Variants in COMMD10 observed in about 807,000 individuals in gnomAD.
COMMD10 encodes the protein COMM domain-containing protein 10.
In COMMD10, 33 loss-of-function variants were observed where a neutral mutation model predicts 28.9. The observed-to-expected ratio is 1.14, with a 90% CI of 0.87 to 1.53. The LOEUF (loss-of-function observed/expected upper bound fraction) is 1.53. COMMD10 is among the 40% of genes most tolerant of loss of function. The pLI is 0.00. For synonymous variants in COMMD10, 110 were observed against 81.7 expected, an observed-to-expected ratio of 1.35 and a Z score of -1.87; for missense variants, 310 against 233.4, an observed-to-expected ratio of 1.33 and a Z score of -2.14.
intron 5 of COMMD10, among the ~76,000 whole-genome samples, chr5:116,201,816 C>G (rs1238562620): frequency 6.6e-6 from 1 of 152,022 alleles, no homozygotes; most frequent in African/African-American, 2.4e-5. Context: ...AGTTACACAC[C>G]CTGCAAGTGA....
intron 5 of COMMD10, among the ~76,000 whole-genome samples, chr5:116,152,574 CATT>C (rs71963681): frequency 0.31 from 47,593 of 151,846 alleles, 10,309 homozygotes; most frequent in African/African-American, 0.62. Flanking sequence ...ATAGAGTAAT[CATT>C]ATTTTTTGTT....
chr5:116,152,446 A>G (rs1400207307), intron 5 of COMMD10, among the ~76,000 whole-genome samples: 1 of 152,076 alleles, frequency 6.6e-6, no homozygotes, highest in Non-Finnish European at 1.5e-5. Context: ...AATGTAGATA[A>G]AAAATCTGGC....
rs573924281 is a variant in COMMD10, at chr5:116,287,825, C to T, written c.511-3692C>T. ...AAACTGATAACAACCTAACTCTAAT[C>T]ACATATGAAAACTTTCTCCTTTACT... On this transcript the variant is annotated intron_variant, in intron 5 of 6. Coordinates refer to ENST00000274458, the MANE Select transcript of COMMD10 (RefSeq NM_016144.4). Among the ~76,000 whole-genome samples, 3 of 151,862 alleles carry T rather than the reference C, an allele frequency of 2.0e-5. No individual in the cohort carries two copies. The South Asian group carries it at 6.2e-4, about 31-fold the overall frequency.
chr5:116,158,537 C>T (rs114574466), intron 5 of COMMD10, among the ~76,000 whole-genome samples: 1 of 125,822 alleles, frequency 7.9e-6, no homozygotes, highest in African/African-American at 3.4e-5. Flanking sequence ...AGTGCAATGG[C>T]GTGATCATAG....
chr5:116,160,276 A>C (rs1752873143), intron 5 of COMMD10, among the ~76,000 whole-genome samples: 4 of 152,206 alleles, frequency 2.6e-5, no homozygotes, highest in Admixed American at 2.6e-4. Flanking sequence ...TTGAGGACAA[A>C]CTATGAGTTT....
At chr5:116,216,871 A>G (rs1216845927) in intron 5 of COMMD10, among the ~76,000 whole-genome samples, 1 of 152,162 alleles carries the variant, frequency 6.6e-6, no homozygotes, top group South Asian at 2.1e-4. Context: ...TAAATTAATC[A>G]TATCAATTCT....
intron 5 of COMMD10, among the ~76,000 whole-genome samples, chr5:116,164,266 A>C (rs904769301): frequency 6.6e-6 from 1 of 151,940 alleles, no homozygotes. Context: ...GTTTGCAGTG[A>C]GCCGAGATTG....
At chr5:116,284,629 C>G (rs534619068) in intron 5 of COMMD10, among the ~76,000 whole-genome samples, 1 of 151,984 alleles carries the variant, frequency 6.6e-6, no homozygotes, top group East Asian at 1.9e-4. Flanking sequence ...TATACATTGT[C>G]AGATTCAGCC....
intron 5 of COMMD10, among the ~76,000 whole-genome samples, chr5:116,193,012 C>G (rs1268743746): frequency 6.6e-6 from 1 of 152,190 alleles, no homozygotes; most frequent in Admixed American, 6.5e-5. Flanking sequence ...TATCTTCAGC[C>G]TCCTCACACA....
rs73253249 is a variant in COMMD10 at position 116,144,843 on chromosome 5, G to A, written c.510+10665G>A. Among the ~76,000 whole-genome samples, 1,491 of 151,812 alleles carry A rather than the reference G, an allele frequency of 9.8e-3. 25 individuals carry two copies. Among genetic ancestry groups the A allele is most frequent in the African/African-American group, 0.033 (1,384 of 41,458 alleles). On this transcript the variant is annotated intron_variant, in intron 5 of 6. Transcript: ENST00000274458. ...TCGGAAATAGGACAGTTTATGTAGG[G>A]GAATGTGGATTCAGTAAATGGAGAT...
intron 4 of COMMD10, among the ~76,000 whole-genome samples, chr5:116,107,161 T>A (rs1750866808): frequency 6.6e-6 from 1 of 152,104 alleles, no homozygotes; most frequent in Admixed American, 6.6e-5. Flanking sequence ...TGTCTCGGGG[T>A]TGCTCTTCTC....
At chr5:116,122,534 T>A (rs558280297) in intron 4 of COMMD10, among the ~76,000 whole-genome samples, 15 of 152,372 alleles carry the variant, frequency 9.8e-5, no homozygotes, top group Non-Finnish European at 2.1e-4. Context: ...ATTGGTAGTT[T>A]GATGGGGATG....
intron 5 of COMMD10, among the ~76,000 whole-genome samples, chr5:116,230,127 T>G (rs866979896): frequency 5.9e-5 from 9 of 152,052 alleles, no homozygotes; most frequent in Non-Finnish European, 8.8e-5. Flanking sequence ...TTCTGAATTA[T>G]GTTCACTAAA....
chr5:116,285,570 C>T (rs963254798), intron 5 of COMMD10, among the ~76,000 whole-genome samples: 1 of 151,964 alleles, frequency 6.6e-6, no homozygotes, highest in Non-Finnish European at 1.5e-5. Context: ...ATGATTATGA[C>T]AGACATAAGT....
chr5:116,241,595 TTTA>T (rs1749813913), intron 5 of COMMD10, among the ~76,000 whole-genome samples: 2 of 147,806 alleles, frequency 1.4e-5, no homozygotes, highest in African/African-American at 5.0e-5. Context: ...TATTTATTTA[TTTA>T]TTTATTTATT....
At chr5:116,110,619 C>T (rs1290872451) in intron 4 of COMMD10, among the ~76,000 whole-genome samples, 1 of 152,104 alleles carries the variant, frequency 6.6e-6, no homozygotes, top group Non-Finnish European at 1.5e-5. Flanking sequence ...TCTTACATTG[C>T]TACACAGAAA....
intron 5 of COMMD10, among the ~76,000 whole-genome samples, chr5:116,197,986 C>T (rs556893910): frequency 5.3e-5 from 8 of 152,272 alleles, no homozygotes; most frequent in African/African-American, 1.7e-4. Flanking sequence ...CACTGATGTA[C>T]CCTCCCTGCT....
chr5:116,241,873 T>C (rs1212510058), intron 5 of COMMD10, among the ~76,000 whole-genome samples: 1 of 152,132 alleles, frequency 6.6e-6, no homozygotes, highest in Non-Finnish European at 1.5e-5. Context: ...CACCTCGGCC[T>C]CCCAAAGTGC....
chr5:116,164,956 C>A (rs777096269), intron 5 of COMMD10, among the ~76,000 whole-genome samples: 1 of 152,178 alleles, frequency 6.6e-6, no homozygotes, highest in Non-Finnish European at 1.5e-5. Flanking sequence ...CTTGGATTTA[C>A]ACAGAATGAA....
Sources: allele counts gnomAD v4.1 joint callset (sites outside exome capture counted in the v4.1 genomes callset), GRCh38; gene constraint gnomAD v4.1.1; transcripts MANE v1.5; gene names NCBI Gene and HGNC (gene_info 2026-07-23, HGNC 2026-07-21).